The following ADAM22 variants were observed in gnomAD, a reference collection of about 807,000 sequenced individuals.
The protein encoded by ADAM22 is disintegrin and metalloproteinase domain-containing protein 22.
A neutral mutation model predicts 144.6 loss-of-function variants in ADAM22; 65 were observed. That is an observed-to-expected ratio of 0.45 (90% CI 0.37 to 0.55). The LOEUF is 0.55. Among genes scored for constraint, ADAM22 ranks in the 20% least tolerant of loss-of-function variants. The probability of loss-of-function intolerance (pLI) is 0.00; values close to 1 mark genes in which losing one functional copy is unlikely to be tolerated. For synonymous variants in ADAM22, 391 were observed against 412.6 expected, an observed-to-expected ratio of 0.95 and a Z score of 0.63; for missense variants, 974 against 1,184.9, an observed-to-expected ratio of 0.82 and a Z score of 2.61.
intron 2 of ADAM22, among the ~76,000 whole-genome samples, chr7:87,973,284 A>G (rs1850962722): frequency 6.6e-6 from 1 of 152,262 alleles, no homozygotes; most frequent in South Asian, 2.1e-4. Flanking sequence ...AAAGGATATG[A>G]ACAGACACTT....
In ADAM22 at chr7:88,200,469, G is replaced by A. The variant is rs547237780; in HGVS notation, c.*3978G>A. 1 of 152,352 alleles carries A rather than the reference G, an allele frequency of 6.6e-6. No homozygotes were observed. Among genetic ancestry groups the A allele is most frequent in the African/African-American group, 2.4e-5 (1 of 41,590 alleles). 9.4% of individuals were successfully genotyped at this position (152,352 alleles called of 1,614,324 possible). On this transcript the variant is annotated 3_prime_UTR_variant, in exon 32 of 32. Coordinates refer to ENST00000413139, the MANE Select transcript of ADAM22 (RefSeq NM_001324418.2). Reference sequence around the variant, plus strand: ...GTCTGATAGGACACATCTGGCTGCTGCCACTGGATGCCCACATGGGCAGCG... The same window carrying A: ...GTCTGATAGGACACATCTGGCTGCTACCACTGGATGCCCACATGGGCAGCG...
At position 88,196,803 on chromosome 7, in the gene ADAM22, C is replaced by T. The variant is rs1209865616; in HGVS notation, c.*312C>T. 19 of 351,490 alleles carry T rather than the reference C, an allele frequency of 5.4e-5. No individual in the cohort carries two copies. Among genetic ancestry groups the T allele is most frequent in the Non-Finnish European group, 9.1e-5 (17 of 187,502 alleles). The allele number at this position is 351,490 out of a possible 1,614,324, so 21.8% of individuals were successfully genotyped here. ...TAGAAATATTCATAAAGTTAACTCA[C>T]ATGACCCAAATGTAGCAAGTTTCCT... On this transcript the variant is annotated 3_prime_UTR_variant, in exon 32 of 32. Transcript: ENST00000413139.
chr7:88,100,749 C>T (rs1048964642), intron 4 of ADAM22, among the ~76,000 whole-genome samples: 10 of 152,118 alleles, frequency 6.6e-5, no homozygotes, highest in Admixed American at 1.3e-4. Flanking sequence ...CTCCTGGCCT[C>T]AAGTGATCTC....
Position 88,202,800 on chromosome 7 carries a change from C to T in ADAM22, c.*6309C>T, listed in dbSNP as rs1203515601. On this transcript the variant is annotated 3_prime_UTR_variant, in exon 32 of 32. Coordinates refer to ENST00000413139, the MANE Select transcript of ADAM22 (RefSeq NM_001324418.2). Reference sequence around the variant, plus strand: ...GGCACAGTTTTATTAGTATTCACTTCGGAAGCTAATAAGATACCATGGTTT... The same window carrying T: ...GGCACAGTTTTATTAGTATTCACTTTGGAAGCTAATAAGATACCATGGTTT... The T allele has an allele frequency of 6.6e-6, 1 of 152,152 alleles. No homozygotes were observed. Among genetic ancestry groups the T allele is most frequent in the Non-Finnish European group, 1.5e-5 (1 of 68,024 alleles). 9.4% of individuals were successfully genotyped at this position (152,152 alleles called of 1,614,324 possible).
intron 2 of ADAM22, among the ~76,000 whole-genome samples, chr7:87,953,943 T>C (rs1845931397): frequency 6.6e-6 from 1 of 152,196 alleles, no homozygotes; most frequent in Middle Eastern, 3.2e-3. Flanking sequence ...AAGTCTGTTT[T>C]ATCAGAGACT....
In ADAM22 at chr7:88,008,914, A is replaced by G. The variant is rs570613553; in HGVS notation, c.323+30502A>G. Reference sequence around the variant, plus strand: ...AGTATAATAATAATAATAATAATAAAAAGAAAAAAAAGAAAAAAAAAGAAA... The same window carrying G: ...AGTATAATAATAATAATAATAATAAGAAGAAAAAAAAGAAAAAAAAAGAAA... On this transcript the variant is annotated intron_variant, in intron 3 of 31. Coordinates refer to ENST00000413139, the MANE Select transcript of ADAM22 (RefSeq NM_001324418.2). Among the ~76,000 whole-genome samples the G allele has an allele frequency of 3.0e-3, 329 of 109,170 alleles. 2 individuals are homozygous for G. The highest frequency in any genetic ancestry group is 0.011 in the African/African-American group (315 of 28,022). The allele number at this position is 109,170 out of a possible 152,430, so 71.6% of individuals were successfully genotyped here.
intron 2 of ADAM22, 82 bp downstream of exon 2, chr7:87,935,268 G>C: frequency 7.1e-7 from 1 of 1,417,798 alleles, no homozygotes; most frequent in Non-Finnish European, 9.3e-7. Flanking sequence ...TTGCCCTGGA[G>C]ATCCCATGTC....
chr7:88,066,999 TATAAAAATGCCCA>T (rs1811418589), intron 3 of ADAM22, among the ~76,000 whole-genome samples: 1 of 152,156 alleles, frequency 6.6e-6, no homozygotes, highest in South Asian at 2.1e-4. Flanking sequence ...TGATTAATAT[TATAAAAATGCCCA>T]ATAATTCAAC....
chr7:88,128,609 G>C lies in ADAM22; in HGVS notation c.686G>C (p.Arg229Pro), dbSNP rs553357216. Residue 229 changes from arginine to proline, a missense_variant, in exon 9 of 32, where the codon CGA becomes CCA. Arg to Pro is a moderately radical substitution (Grantham distance 103, BLOSUM62 -2). Coordinates refer to ENST00000413139, the MANE Select transcript of ADAM22 (RefSeq NM_001324418.2). ...RPKRSKRQLR[R>P]YPRNVEEETK... ...TCCTTTCCTGTGTTACAGCTTCGTCGATATCCTCGTAATGTAGAAGAAGAA... is the reference window on the plus strand; with the variant it reads ...TCCTTTCCTGTGTTACAGCTTCGTCCATATCCTCGTAATGTAGAAGAAGAA... The C allele has an allele frequency of 1.2e-6, 2 of 1,611,122 alleles. No homozygotes were observed. The highest frequency in any genetic ancestry group is 2.2e-5 in the East Asian group (1 of 44,810).
At chr7:87,960,929 A>G (rs902234257) in intron 2 of ADAM22, among the ~76,000 whole-genome samples, 4 of 152,230 alleles carry the variant, frequency 2.6e-5, no homozygotes, top group African/African-American at 7.2e-5. Flanking sequence ...CCTTTGGGAT[A>G]CATCAGTGAA....
chr7:87,952,431 T>A (rs1426398784), intron 2 of ADAM22, among the ~76,000 whole-genome samples: 5 of 152,230 alleles, frequency 3.3e-5, no homozygotes, highest in African/African-American at 1.2e-4. Context: ...TCTGTTTATA[T>A]GCTGGATTGT....
rs1219480494 is a variant in ADAM22 at position 88,201,015 on chromosome 7, T to C, written c.*4524T>C. The C allele has an allele frequency of 6.6e-6, 1 of 152,248 alleles. No individual in the cohort carries two copies. Among genetic ancestry groups the C allele is most frequent in the African/African-American group, 2.4e-5 (1 of 41,472 alleles). The allele number at this position is 152,248 out of a possible 1,614,324, so 9.4% of individuals were successfully genotyped here. A position where few individuals can be genotyped will look rare whatever the true frequency, so the allele number is the denominator to read the frequency against. On this transcript the variant is annotated 3_prime_UTR_variant, in exon 32 of 32. Coordinates refer to ENST00000413139, the MANE Select transcript of ADAM22 (RefSeq NM_001324418.2). The stretch of plus-strand genomic sequence containing the variant: ...GAATTGTTGGCACATGCTCATAGCA[T>C]ATGCTCTGTGGGGGAGGTGCTTTTA...
intron 30 of ADAM22, among the ~76,000 whole-genome samples, chr7:88,192,771 AT>A (rs1452598986): frequency 1.3e-5 from 2 of 152,180 alleles, no homozygotes; most frequent in Non-Finnish European, 2.9e-5. Flanking sequence ...CAATATTAAT[AT>A]TTTATACACA....
intron 2 of ADAM22, among the ~76,000 whole-genome samples, chr7:87,941,617 T>C (rs1295707677): frequency 6.6e-6 from 1 of 152,192 alleles, no homozygotes; most frequent in Non-Finnish European, 1.5e-5. Context: ...ACAATGAATT[T>C]TTATTCTCCT....
At chr7:87,990,808 G>A (rs761203141) in intron 3 of ADAM22, among the ~76,000 whole-genome samples, 50 of 152,068 alleles carry the variant, frequency 3.3e-4, no homozygotes, top group Admixed American at 2.6e-4. Context: ...GATTACAGGC[G>A]CCTGCCACCA....
intron 4 of ADAM22, among the ~76,000 whole-genome samples, chr7:88,079,355 A>G (rs1815746977): frequency 6.6e-6 from 1 of 152,228 alleles, no homozygotes; most frequent in Admixed American, 6.5e-5. Flanking sequence ...AGCACTAAAC[A>G]GGGAAAGGAA....
Position 87,934,278 on chromosome 7 carries a change from G to T in ADAM22, c.-188G>T. The T allele has an allele frequency of 1.9e-6, 1 of 520,774 alleles. No individual in the cohort carries two copies. Among genetic ancestry groups the T allele is most frequent in the Non-Finnish European group, 3.3e-6 (1 of 302,890 alleles). 32.3% of individuals were successfully genotyped at this position (520,774 alleles called of 1,614,324 possible). On this transcript the variant is annotated 5_prime_UTR_variant, in exon 1 of 32. Transcript: ENST00000413139. ...TCGCTCGCTCCCCCCGCCAGCGGAAGCGTCCGCGAAGCACAATGCAGCACT... is the reference window on the plus strand; with the variant it reads ...TCGCTCGCTCCCCCCGCCAGCGGAATCGTCCGCGAAGCACAATGCAGCACT...
chr7:88,126,528 C>T (rs1830439555), intron 8 of ADAM22, among the ~76,000 whole-genome samples: 1 of 151,732 alleles, frequency 6.6e-6, no homozygotes, highest in Non-Finnish European at 1.5e-5. Flanking sequence ...TGTACCTGGC[C>T]CTATTATAAG....
chr7:88,113,707 T>TATATAAATAA (rs1826846365), intron 5 of ADAM22, among the ~76,000 whole-genome samples: 1 of 47,252 alleles, frequency 2.1e-5, no homozygotes, highest in Non-Finnish European at 3.5e-5. Flanking sequence ...TAAATAAATA[T>TATATAAATAA]ATATATATAT....
Sources: gnomAD v4.1 joint callset for allele counts (sites outside exome capture counted in the v4.1 genomes callset) on GRCh38, gnomAD v4.1.1 for gene constraint, MANE v1.5 for transcripts, NCBI Gene and HGNC (gene_info 2026-07-23, HGNC 2026-07-21) for gene names.